Variants in TBX15 observed in about 807,000 individuals in gnomAD.
TBX15 encodes the protein T-box transcription factor TBX15.
TBX15 carries 18 observed loss-of-function variants against 53.9 expected under a neutral mutation model. The ratio of observed to expected loss-of-function variants is 0.33; its 90% CI spans 0.23 to 0.49. The LOEUF (loss-of-function observed/expected upper bound fraction) is 0.49. Among genes scored for constraint, TBX15 ranks in the 20% least tolerant of loss-of-function variants. The probability of loss-of-function intolerance (pLI) is 0.98; values close to 1 mark genes in which losing one functional copy is unlikely to be tolerated. For missense variants in TBX15, 692 were observed against 749.5 expected, an observed-to-expected ratio of 0.92 and a Z score of 0.90; for synonymous variants, 295 against 278.0, an observed-to-expected ratio of 1.06 and a Z score of -0.61.
intron 5 of TBX15, among the ~76,000 whole-genome samples, chr1:118,919,725 T>C (rs771231325): frequency 6.6e-5 from 10 of 152,192 alleles, no homozygotes; most frequent in Non-Finnish European, 1.3e-4. Context: ...TATCTTAGAA[T>C]TACAGAAATG....
intron 7 of TBX15, among the ~76,000 whole-genome samples, chr1:118,894,510 T>G (rs937566854): frequency 5.3e-5 from 8 of 152,158 alleles, no homozygotes; most frequent in Non-Finnish European, 1.0e-4. Flanking sequence ...AAAATGATTC[T>G]CATTTCTACA....
chr1:118,944,305 G>A (rs1656276544), intron 1 of TBX15, among the ~76,000 whole-genome samples: 1 of 152,166 alleles, frequency 6.6e-6, no homozygotes, highest in Admixed American at 6.5e-5. Flanking sequence ...GTGAGGTAAG[G>A]AATTGCCTTA....
rs547535572 is a variant in TBX15, at chr1:118,985,927, C to T, written c.205+1664G>A. ...TGAATGGAGCTCAGGCTAAGGAGAA[C>T]GGCAGAAAGAGCAAACTCTGATCTG... On this transcript the variant is annotated intron_variant, in intron 1 of 7. Transcript: ENST00000369429. Among the ~76,000 whole-genome samples, 10 of 152,208 alleles carry T rather than the reference C, an allele frequency of 6.6e-5. No individual in the cohort carries two copies. The South Asian group carries it at 1.7e-3, about 25-fold the overall frequency.
At chr1:118,962,967 AC>A (rs1314023479) in intron 1 of TBX15, among the ~76,000 whole-genome samples, 2 of 152,244 alleles carry the variant, frequency 1.3e-5, no homozygotes, top group African/African-American at 4.8e-5. Flanking sequence ...GAAGAATGAA[AC>A]TTTTAAGGAA....
intron 5 of TBX15, among the ~76,000 whole-genome samples, chr1:118,917,838 A>G (rs527341861): frequency 2.2e-4 from 33 of 152,212 alleles, no homozygotes; most frequent in Middle Eastern, 3.4e-3. Context: ...TCAGAATTTA[A>G]TCCAAATTCC....
chr1:118,919,976 C>T (rs1655368246), intron 5 of TBX15, among the ~76,000 whole-genome samples: 1 of 152,106 alleles, frequency 6.6e-6, no homozygotes, highest in Admixed American at 6.6e-5. Flanking sequence ...TTATTTTTCT[C>T]ATTTTTCAGT....
intron 1 of TBX15, among the ~76,000 whole-genome samples, chr1:118,962,183 T>C (rs371442663): frequency 2.2e-4 from 33 of 152,284 alleles, no homozygotes; most frequent in African/African-American, 7.9e-4. Context: ...AGGAAAACTG[T>C]GTAAGGGTCC....
Position 118,885,435 on chromosome 1 carries a change from G to A in TBX15, c.1106C>T (p.Ser369Phe). Reference protein sequence around the residue: ...PSASSHLLSPSCSPPTFHLAP... With the variant: ...PSASSHLLSPFCSPPTFHLAP... ...CAGATGAAAAGTTGGAGGAGAACAG[G>A]ATGGAGATAAAAGATGAGAAGAAGC... Residue 369 changes from serine (S) to phenylalanine (F), a missense_variant, in exon 8 of 8, where the codon TCC becomes TTC. Physicochemically the swap from Ser to Phe is radical, Grantham distance 155. This residue lies in a region of TBX15 where 375 missense variants were observed against 371.6 expected (regional missense o/e 1.01). Transcript: ENST00000369429. 2 of 1,612,762 alleles carry A rather than the reference G, an allele frequency of 1.2e-6. No individual in the cohort carries two copies. The highest frequency in any genetic ancestry group is 8.5e-7 in the Non-Finnish European group (1 of 1,179,352).
At chr1:118,980,967 G>A (rs1571221385) in intron 1 of TBX15, among the ~76,000 whole-genome samples, 1 of 151,978 alleles carries the variant, frequency 6.6e-6, no homozygotes, top group Admixed American at 6.6e-5. Context: ...CAAGTAGCTG[G>A]GATTACAGGC....
intron 7 of TBX15, among the ~76,000 whole-genome samples, chr1:118,893,313 G>GGAAGGAAGGAAAGAAA (rs1488071535): frequency 3.3e-5 from 3 of 90,066 alleles, no homozygotes; most frequent in African/African-American, 5.6e-5. Context: ...AAGGAAGGAA[G>GGAAGGAAGGAAAGAAA]GAAAGAAAGA....
intron 6 of TBX15, among the ~76,000 whole-genome samples, chr1:118,903,414 G>T (rs1654701621): frequency 6.6e-6 from 1 of 152,156 alleles, no homozygotes; most frequent in Non-Finnish European, 1.5e-5. Flanking sequence ...TATTTGATAA[G>T]TACAACAATA....
At position 118,914,322 on chromosome 1, in the gene TBX15, G is replaced by A. The variant is rs1779450; in HGVS notation, c.862-143C>T. The A allele has an allele frequency of 0.03, 25,476 of 861,590 alleles. 537 individuals carry two copies. Among genetic ancestry groups the A allele is most frequent in the South Asian group, 0.065 (4,195 of 64,066 alleles). 53.4% of individuals were successfully genotyped at this position (861,590 alleles called of 1,614,324 possible). A position where few individuals can be genotyped will look rare whatever the true frequency, so the allele number is the denominator to read the frequency against. ...CTTTCAGCTCAAGATTTAATTTGAAGCTGGATATAGAACTTGGCCTGGCAC... is the reference window on the plus strand; with the variant it reads ...CTTTCAGCTCAAGATTTAATTTGAAACTGGATATAGAACTTGGCCTGGCAC... On this transcript the variant is annotated intron_variant, in intron 5 of 7. Coordinates refer to ENST00000369429, the MANE Select transcript of TBX15 (RefSeq NM_001330677.2).
In TBX15 at chr1:118,937,583, G is replaced by T. The variant is rs1571189956; in HGVS notation, c.206-5751C>A. 2.0e-5 allele frequency among the ~76,000 whole-genome samples: 3 copies of T among 152,342 alleles called. No individual in the cohort carries two copies. The East Asian group carries it at 5.8e-4, about 29-fold the overall frequency. On this transcript the variant is annotated intron_variant, in intron 1 of 7. Transcript: ENST00000369429. Reference sequence around the variant, plus strand: ...CCTGGTTTCTATGTGAAATGTGTAAGCTGACTGTAGAGTCAGATAAGAGAT... The same window carrying T: ...CCTGGTTTCTATGTGAAATGTGTAATCTGACTGTAGAGTCAGATAAGAGAT...
chr1:118,892,443 A>G (rs1171339660), intron 7 of TBX15, among the ~76,000 whole-genome samples: 2 of 152,228 alleles, frequency 1.3e-5, no homozygotes, highest in African/African-American at 4.8e-5. Context: ...TCAAAAACCA[A>G]TTACAACCCC....
intron 1 of TBX15, among the ~76,000 whole-genome samples, chr1:118,973,369 T>C (rs1480416567): frequency 6.6e-6 from 1 of 151,910 alleles, no homozygotes; most frequent in Non-Finnish European, 1.5e-5. Flanking sequence ...CATGCTTTCA[T>C]ACTCACACTC....
Position 118,931,724 on chromosome 1 carries a change from G to A in TBX15, c.314C>T (p.Ala105Val), listed in dbSNP as rs1204402285. The A allele has an allele frequency of 6.2e-7, 1 of 1,614,050 alleles. No homozygotes were observed. The highest frequency in any genetic ancestry group is 1.7e-5 in the Admixed American group (1 of 60,028). Residue 105 changes from alanine (A) to valine (V), a missense_variant, in exon 2 of 8, where the codon GCT (alanine) becomes GTT (valine). Transcript: ENST00000369429. ...LASGAAGPVP[A>V]AMSSMEEIQV... Reference sequence around the variant, plus strand: ...AATCTCCTCCATGGAAGACATGGCAGCAGGCACAGGGCCTGCAGCACCAGA... The same window carrying A: ...AATCTCCTCCATGGAAGACATGGCAACAGGCACAGGGCCTGCAGCACCAGA...
At chr1:118,893,352 GGAAGGAAA>G (rs1347751045) in intron 7 of TBX15, among the ~76,000 whole-genome samples, 77 of 63,188 alleles carry the variant, frequency 1.2e-3, no homozygotes, top group Middle Eastern at 0.013. Flanking sequence ...AAGGAAGGAA[GGAAGGAAA>G]GAAAGAAAGA....
intron 1 of TBX15, among the ~76,000 whole-genome samples, chr1:118,937,903 G>A (rs931314239): frequency 1.4e-4 from 22 of 152,124 alleles, no homozygotes; most frequent in Admixed American, 1.3e-3. Flanking sequence ...TCACAGAAGG[G>A]CAAATACCAG....
At chr1:118,947,439 G>A (rs757510072) in intron 1 of TBX15, among the ~76,000 whole-genome samples, 1 of 152,166 alleles carries the variant, frequency 6.6e-6, no homozygotes, top group Non-Finnish European at 1.5e-5. Context: ...TCCTGGTTTG[G>A]AATCAGAAAG....
Sources: gnomAD v4.1 joint callset for allele counts (sites outside exome capture counted in the v4.1 genomes callset) on GRCh38, gnomAD v4.1.1 for gene constraint, gnomAD v4.1.1 regional missense constraint, MANE v1.5 for transcripts, NCBI Gene and HGNC (gene_info 2026-07-23, HGNC 2026-07-21) for gene names.